The following KCNK3 variants were observed in gnomAD, a reference collection of about 807,000 sequenced individuals.
KCNK3 encodes the protein potassium two pore domain channel subfamily K member 3.
In KCNK3, 9 loss-of-function variants were observed where a neutral mutation model predicts 27.3. That is an observed-to-expected ratio of 0.33 (90% CI 0.20 to 0.57). The LOEUF (loss-of-function observed/expected upper bound fraction) is 0.57. KCNK3 is among the 20% of genes least tolerant of loss of function. The pLI is 0.87. For synonymous variants in KCNK3, 278 were observed against 273.8 expected (o/e 1.02, Z -0.15); for missense variants, 391 against 577.7 (o/e 0.68, Z 3.31).
At chr2:26,699,748 C>A (rs546396763) in intron 1 of KCNK3, among the ~76,000 whole-genome samples, 4 of 152,168 alleles carry the variant, frequency 2.6e-5, no homozygotes, top group African/African-American at 7.2e-5. Flanking sequence ...TGTAACAGGT[C>A]GGGTGCTGTC....
chr2:26,708,262 T>C (rs114730814), intron 1 of KCNK3, among the ~76,000 whole-genome samples: 1 of 152,088 alleles, frequency 6.6e-6, no homozygotes, highest in Non-Finnish European at 1.5e-5. Context: ...AGCAGGCCAG[T>C]GCCAGGTGGG....
chr2:26,717,845 T>G (rs1389971376), intron 1 of KCNK3, among the ~76,000 whole-genome samples: 2 of 152,178 alleles, frequency 1.3e-5, no homozygotes. Flanking sequence ...AACCTCAGGC[T>G]CATCTCTGAT....
intron 1 of KCNK3, among the ~76,000 whole-genome samples, chr2:26,705,297 C>T (rs1670359034): frequency 2.0e-5 from 3 of 152,146 alleles, no homozygotes; most frequent in African/African-American, 7.2e-5. Flanking sequence ...CAGATGAGAA[C>T]ACTGAGGCTC....
intron 1 of KCNK3, among the ~76,000 whole-genome samples, chr2:26,700,759 A>T (rs1670297914): frequency 6.6e-6 from 1 of 151,952 alleles, no homozygotes; most frequent in African/African-American, 2.4e-5. Flanking sequence ...CATCATCATC[A>T]TCATCACCAT....
chr2:26,696,931 G>A (rs1025333984), intron 1 of KCNK3, among the ~76,000 whole-genome samples: 3 of 152,138 alleles, frequency 2.0e-5, no homozygotes, highest in Non-Finnish European at 4.4e-5. Flanking sequence ...AACAGCAGCA[G>A]CAACAACAAT....
At chr2:26,707,273 G>A (rs1670387339) in intron 1 of KCNK3, among the ~76,000 whole-genome samples, 1 of 152,190 alleles carries the variant, frequency 6.6e-6, no homozygotes. Context: ...AGTAGTCCCT[G>A]GAATGGAGTG....
chr2:26,706,041 C>T (rs777149614), intron 1 of KCNK3, among the ~76,000 whole-genome samples: 3 of 152,082 alleles, frequency 2.0e-5, no homozygotes, highest in African/African-American at 7.2e-5. Context: ...ACCCCCCAGG[C>T]GATTGGAATC....
Position 26,692,729 on chromosome 2 carries a change from G to T in KCNK3, c.-147G>T. The stretch of plus-strand genomic sequence containing the variant: ...CAGCTCCGCGGCGGCGGCGGCGGCG[G>T]CGGCCCCGGGCGCTGAGCGGGTGCC... On this transcript the variant is annotated 5_prime_UTR_variant, in exon 1 of 2. Coordinates refer to ENST00000302909, the MANE Select transcript of KCNK3 (RefSeq NM_002246.3). The surrounding 1 kb of genome is among the most constrained non-coding windows in gnomAD (Gnocchi z 5.6). 1 of 271,392 alleles carries T rather than the reference G, an allele frequency of 3.7e-6. No individual in the cohort carries two copies. The highest frequency in any genetic ancestry group is 2.3e-5 in the African/African-American group (1 of 42,994). The allele number at this position is 271,392 out of a possible 1,614,324, so 16.8% of individuals were successfully genotyped here.
intron 1 of KCNK3, among the ~76,000 whole-genome samples, chr2:26,711,735 G>A (rs150745058): frequency 1.6e-3 from 251 of 152,378 alleles, no homozygotes; most frequent in African/African-American, 5.3e-3. Flanking sequence ...TGCCTGGCAC[G>A]TAGTAAGCGC....
rs115770839 is a variant in KCNK3, at chr2:26,697,424, G to T, written c.283+4266G>T. 8.9e-3 allele frequency among the ~76,000 whole-genome samples: 1,359 copies of T among 152,288 alleles called. 24 individuals are homozygous for T. The highest frequency in any genetic ancestry group is 0.032 in the African/African-American group (1,318 of 41,528). ...GGAGGCTGAGGCATGAGAATCACTT[G>T]AACGCAGAAGGCAGAGGCTGCAGTG... On this transcript the variant is annotated intron_variant, in intron 1 of 1. Transcript: ENST00000302909.
In KCNK3 at chr2:26,721,035, C is replaced by T. The variant is rs1163392311; in HGVS notation, c.284-6632C>T. On this transcript the variant is annotated intron_variant, in intron 1 of 1. Coordinates refer to ENST00000302909, the MANE Select transcript of KCNK3 (RefSeq NM_002246.3). The surrounding 1 kb of genome is among the most constrained non-coding windows in gnomAD (Gnocchi z 4.3). The stretch of plus-strand genomic sequence containing the variant: ...GTGAAGGCAGGAGCTATGAGTCACC[C>T]GAGGCCCTCCTGCCAAGGGCCACCT... Among the ~76,000 whole-genome samples, 5 of 152,110 alleles carry T rather than the reference C, an allele frequency of 3.3e-5. No individual in the cohort carries two copies. Among genetic ancestry groups the T allele is most frequent in the African/African-American group, 1.2e-4 (5 of 41,422 alleles).
In KCNK3 at chr2:26,728,592, C is replaced by G. The variant is rs1428443104; in HGVS notation, c.*24C>G. ...GACTGCCCCGAGGGGCCTGGAGCACCTGGGGGCGCGGGCGGGGGACCCCTG... is the reference window on the plus strand; with the variant it reads ...GACTGCCCCGAGGGGCCTGGAGCACGTGGGGGCGCGGGCGGGGGACCCCTG... On this transcript the variant is annotated 3_prime_UTR_variant, in exon 2 of 2. Transcript: ENST00000302909. 1.4e-6 allele frequency: 2 copies of G among 1,414,256 alleles called. No homozygotes were observed. Among genetic ancestry groups the G allele is most frequent in the Non-Finnish European group, 1.8e-6 (2 of 1,084,476 alleles). 87.6% of individuals were successfully genotyped at this position (1,414,256 alleles called of 1,614,324 possible). A position where few individuals can be genotyped will look rare whatever the true frequency, so the allele number is the denominator to read the frequency against.
At chr2:26,704,360 C>G (rs1427734889) in intron 1 of KCNK3, among the ~76,000 whole-genome samples, 1 of 152,138 alleles carries the variant, frequency 6.6e-6, no homozygotes, top group Non-Finnish European at 1.5e-5. Context: ...GACCCCTTTT[C>G]TCTCCCACAC....
At chr2:26,697,261 G>A (rs566310047) in intron 1 of KCNK3, among the ~76,000 whole-genome samples, 1 of 152,326 alleles carries the variant, frequency 6.6e-6, no homozygotes, top group African/African-American at 2.4e-5. Flanking sequence ...CACTTTGGGA[G>A]GCGGAGGCAG....
At chr2:26,706,881 TG>T (rs939345123) in intron 1 of KCNK3, among the ~76,000 whole-genome samples, 2 of 152,120 alleles carry the variant, frequency 1.3e-5, no homozygotes, top group Non-Finnish European at 2.9e-5. Context: ...CTGTGAAACC[TG>T]GGGCGAGTCA....
intron 1 of KCNK3, among the ~76,000 whole-genome samples, chr2:26,700,732 A>G (rs1394657734): frequency 1.3e-5 from 2 of 151,148 alleles, no homozygotes; most frequent in Admixed American, 1.3e-4. Context: ...CATCATCACC[A>G]TCATCATCAT....
At chr2:26,702,348 A>C (rs976755126) in intron 1 of KCNK3, among the ~76,000 whole-genome samples, 3 of 152,230 alleles carry the variant, frequency 2.0e-5, no homozygotes, top group African/African-American at 7.2e-5. Context: ...AAACTTTAAA[A>C]GGGGCATCAA....
rs775888197 is a variant in KCNK3, at chr2:26,728,698, C to G, written c.*130C>G. 83 of 784,642 alleles carry G rather than the reference C, an allele frequency of 1.1e-4. No individual in the cohort carries two copies. Among genetic ancestry groups the G allele is most frequent in the African/African-American group, 1.3e-4 (7 of 54,924 alleles). 48.6% of individuals were successfully genotyped at this position (784,642 alleles called of 1,614,324 possible). Reference sequence around the variant, plus strand: ...CATCCCTCACCACTCTCCCCCAGCACCCCCATCTCCGACTGTGCCTGCTTG... The same window carrying G: ...CATCCCTCACCACTCTCCCCCAGCAGCCCCATCTCCGACTGTGCCTGCTTG... On this transcript the variant is annotated 3_prime_UTR_variant, in exon 2 of 2. Transcript: ENST00000302909.
rs1411638006 is a variant in KCNK3, at chr2:26,728,177, C to G, written c.794C>G (p.Thr265Arg). The G allele has an allele frequency of 6.4e-7, 1 of 1,572,964 alleles. No homozygotes were observed. The highest frequency in any genetic ancestry group is 8.6e-7 in the Non-Finnish European group (1 of 1,159,184). ...GACGCCGAGCACCGCGCGCTGCTCA[C>G]GCGCAACGGGCAGGCGGGCGGCGGC... ...KRDAEHRALL[T>R]RNGQAGGGGG... The change falls in exon 2 of 2, where the codon ACG becomes AGG. Residue 265 changes from threonine to arginine, a missense_variant. Transcript: ENST00000302909.
Sources: gnomAD v4.1 joint callset for allele counts (sites outside exome capture counted in the v4.1 genomes callset) on GRCh38, gnomAD v4.1.1 for gene constraint, Gnocchi (gnomAD v3.1) non-coding constraint, MANE v1.5 for transcripts, NCBI Gene and HGNC (gene_info 2026-07-23, HGNC 2026-07-21) for gene names.